PCDH15: variants seen among roughly 807,000 people sequenced by gnomAD.
PCDH15 encodes protocadherin related 15.
In PCDH15, 129 loss-of-function variants were observed where a neutral mutation model predicts 178.5. The ratio of observed to expected loss-of-function variants is 0.72; its 90% CI spans 0.63 to 0.84. The LOEUF (loss-of-function observed/expected upper bound fraction) is 0.84, where lower values mean the gene tolerates loss of function less well. Among genes scored for constraint, PCDH15 ranks in the 40% least tolerant of loss-of-function variants. The pLI, the probability that PCDH15 is intolerant of heterozygous loss-of-function variation, is 0.00. For synonymous variants in PCDH15, 800 were observed against 732.0 expected, an observed-to-expected ratio of 1.09 and a Z score of -1.50; for missense variants, 2,230 against 2,099.9, an observed-to-expected ratio of 1.06 and a Z score of -1.21.
intron 14 of PCDH15, among the ~76,000 whole-genome samples, chr10:54,137,286 G>T (rs2042988950): frequency 6.6e-6 from 1 of 151,978 alleles, no homozygotes. Flanking sequence ...CCAGTATGAT[G>T]CAGATAAATC....
chr10:55,141,711 C>T (rs1011344701), intron 2 of PCDH15, among the ~76,000 whole-genome samples: 2 of 151,944 alleles, frequency 1.3e-5, no homozygotes, highest in Non-Finnish European at 2.9e-5. Context: ...CAGTACATTA[C>T]AATTTTTGTA....
intron 1 of PCDH15, among the ~76,000 whole-genome samples, chr10:55,201,003 A>G (rs532783089): frequency 4.6e-5 from 7 of 152,210 alleles, no homozygotes; most frequent in African/African-American, 1.7e-4. Context: ...AAACAGACTA[A>G]TACAGAGGTC....
At chr10:54,664,978 C>G (rs989532950) in intron 1 of PCDH15, among the ~76,000 whole-genome samples, 4 of 150,524 alleles carry the variant, frequency 2.7e-5, no homozygotes, top group African/African-American at 9.8e-5. Flanking sequence ...ATGAGAATGT[C>G]TTATTGAAAG....
At chr10:54,880,251 G>C (rs1212776039) in intron 3 of PCDH15, among the ~76,000 whole-genome samples, 1 of 152,074 alleles carries the variant, frequency 6.6e-6, no homozygotes, top group Non-Finnish European at 1.5e-5. Flanking sequence ...AACTCCTATG[G>C]AGATGAGAGC....
At chr10:54,510,879 G>A (rs1394935910) in intron 3 of PCDH15, among the ~76,000 whole-genome samples, 1 of 151,984 alleles carries the variant, frequency 6.6e-6, no homozygotes, top group Non-Finnish European at 1.5e-5. Flanking sequence ...TTAACTTTAT[G>A]TCACCGTATT....
At chr10:55,359,315 C>T (rs951628884) in intron 2 of PCDH15, among the ~76,000 whole-genome samples, 6 of 151,822 alleles carry the variant, frequency 4.0e-5, no homozygotes, top group Admixed American at 1.3e-4. Context: ...TTAAAATGTG[C>T]TATAATTATG....
At chr10:54,795,221 A>T (rs1951835762) in intron 1 of PCDH15, among the ~76,000 whole-genome samples, 1 of 151,772 alleles carries the variant, frequency 6.6e-6, no homozygotes, top group Non-Finnish European at 1.5e-5. Flanking sequence ...ATCTTCACTC[A>T]TCTTACTATA....
intron 2 of PCDH15, among the ~76,000 whole-genome samples, chr10:54,652,636 G>A (rs1018559028): frequency 1.3e-5 from 2 of 152,150 alleles, no homozygotes; most frequent in African/African-American, 2.4e-5. Context: ...CCTGTAAGAA[G>A]ATACTAGGAC....
chr10:54,463,692 A>C (rs181488929), intron 3 of PCDH15, among the ~76,000 whole-genome samples: 4 of 152,166 alleles, frequency 2.6e-5, no homozygotes, highest in Admixed American at 2.6e-4. Flanking sequence ...CAGGGATTAT[A>C]TTTTATTTGA....
At chr10:54,381,311 T>C (rs887389443) in intron 3 of PCDH15, among the ~76,000 whole-genome samples, 2 of 152,084 alleles carry the variant, frequency 1.3e-5, no homozygotes, top group Non-Finnish European at 2.9e-5. Context: ...TCTCTCCCTA[T>C]CCCAGCAGTG....
intron 3 of PCDH15, among the ~76,000 whole-genome samples, chr10:54,474,111 A>C (rs1420765245): frequency 2.6e-5 from 4 of 151,942 alleles, no homozygotes; most frequent in African/African-American, 9.7e-5. Context: ...AATTGCAAAA[A>C]AATTTGCAAT....
In PCDH15 at chr10:53,938,815, T is replaced by C; in HGVS notation, c.3373A>G (p.Ser1125Gly). ...AAAAGCTTTAAGTAGTATAACTTAC[T>C]TTTTGAAGGAACTCGGAGATTGGCA... The part of the protein sequence containing the change: ...VLANLRVPSK[S>G]NTAKVYIEIQ... The change falls in exon 25 of 38, where the codon AGC (serine) becomes GGC (glycine). Residue 1125 changes from serine to glycine, a missense_variant and splice_region_variant. Coordinates refer to ENST00000644397, the MANE Select transcript of PCDH15 (RefSeq NM_001384140.1). 1.2e-6 allele frequency: 2 copies of C among 1,612,842 alleles called. No homozygotes were observed. The highest frequency in any genetic ancestry group is 2.2e-5 in the South Asian group (2 of 91,072).
intron 4 of PCDH15, among the ~76,000 whole-genome samples, chr10:54,378,173 A>G (rs1948725554): frequency 6.6e-6 from 1 of 151,868 alleles, no homozygotes; most frequent in African/African-American, 2.4e-5. Context: ...AGTTCTCCCC[A>G]CTGGGCCTCC....
chr10:54,284,950 T>C (rs752080071), intron 8 of PCDH15, among the ~76,000 whole-genome samples: 5 of 152,220 alleles, frequency 3.3e-5, no homozygotes, highest in Non-Finnish European at 5.9e-5. Context: ...AAGTAATTGA[T>C]ACATGGCATC....
chr10:54,498,863 G>A (rs937547147), intron 3 of PCDH15, among the ~76,000 whole-genome samples: 4 of 152,030 alleles, frequency 2.6e-5, no homozygotes, highest in African/African-American at 9.7e-5. Context: ...CGGCTGGGAG[G>A]GCCCAGGAAA....
intron 2 of PCDH15, among the ~76,000 whole-genome samples, chr10:55,022,723 T>C (rs1402496411): frequency 6.7e-6 from 1 of 149,010 alleles, no homozygotes; most frequent in African/African-American, 2.5e-5. Context: ...TTTTTTTTTT[T>C]TTTTTGAGAC....
At chr10:55,483,849 C>T (rs79592361) in intron 2 of PCDH15, among the ~76,000 whole-genome samples, 2,744 of 149,046 alleles carry the variant, frequency 0.018, 96 homozygotes, top group African/African-American at 0.064. Flanking sequence ...TGGATACATG[C>T]ATGCATATGA....
chr10:54,560,440 T>C (rs928840060), intron 2 of PCDH15, among the ~76,000 whole-genome samples: 1 of 152,070 alleles, frequency 6.6e-6, no homozygotes, highest in Non-Finnish European at 1.5e-5. Context: ...TTGACGTATA[T>C]TTAGATTGTT....
chr10:54,682,701 G>C (rs567326891), intron 1 of PCDH15, among the ~76,000 whole-genome samples: 4 of 152,096 alleles, frequency 2.6e-5, no homozygotes, highest in Non-Finnish European at 4.4e-5. Context: ...GAATCTATCT[G>C]AGATACTCTC....
Sources: gnomAD v4.1 joint callset for allele counts (sites outside exome capture counted in the v4.1 genomes callset) on GRCh38, gnomAD v4.1.1 for gene constraint, MANE v1.5 for transcripts, NCBI Gene and HGNC (gene_info 2026-07-23, HGNC 2026-07-21) for gene names.